Variants in DLG2 observed in about 807,000 individuals in gnomAD.
The protein encoded by DLG2 is discs large MAGUK scaffold protein 2.
Under a neutral mutation model 132.5 loss-of-function variants are expected in DLG2, and 45 were observed. The ratio of observed to expected loss-of-function variants is 0.34; its 90% CI spans 0.27 to 0.44. The LOEUF (loss-of-function observed/expected upper bound fraction) is 0.44, where lower values mean the gene tolerates loss of function less well. Ranked by LOEUF, DLG2 falls within the 20% of genes least tolerant of loss-of-function variation. The pLI is 1.00. For missense variants in DLG2, 1,045 were observed against 1,196.9 expected, an observed-to-expected ratio of 0.87 and a Z score of 1.87; for synonymous variants, 424 against 419.6, an observed-to-expected ratio of 1.01 and a Z score of -0.13.
intron 7 of DLG2, among the ~76,000 whole-genome samples, chr11:84,481,393 G>A (rs975718509): frequency 6.6e-6 from 1 of 152,106 alleles, no homozygotes; most frequent in African/African-American, 2.4e-5. Flanking sequence ...AGTTCTATCA[G>A]AGGCCATCTG....
At chr11:84,441,617 T>C (rs1019103510) in intron 7 of DLG2, among the ~76,000 whole-genome samples, 36 of 152,216 alleles carry the variant, frequency 2.4e-4, no homozygotes, top group African/African-American at 8.2e-4. Context: ...GTGACTCATC[T>C]ACATAACATA....
intron 19 of DLG2, among the ~76,000 whole-genome samples, chr11:83,589,977 C>T (rs1242238794): frequency 1.4e-3 from 192 of 140,614 alleles, no homozygotes; most frequent in Non-Finnish European, 2.0e-3. Flanking sequence ...ACAGGAGCAC[C>T]CAGATTCATA....
At chr11:85,325,102 A>C (rs1280664544) in intron 3 of DLG2, among the ~76,000 whole-genome samples, 2 of 135,192 alleles carry the variant, frequency 1.5e-5, no homozygotes, top group Non-Finnish European at 3.2e-5. Context: ...TATATCCCAC[A>C]CCTGGCTCAG....
intron 2 of DLG2, among the ~76,000 whole-genome samples, chr11:85,605,341 T>A (rs889962370): frequency 1.5e-4 from 23 of 152,158 alleles, no homozygotes; most frequent in African/African-American, 5.3e-4. Context: ...CATATTTTTA[T>A]GGAAAAAATA....
chr11:85,170,201 G>A (rs770789671), intron 4 of DLG2, among the ~76,000 whole-genome samples: 14 of 152,168 alleles, frequency 9.2e-5, no homozygotes, highest in Non-Finnish European at 1.8e-4. Flanking sequence ...TGGACAAAAA[G>A]GGGTATGATC....
chr11:84,234,419 T>C (rs1244314485), intron 8 of DLG2, among the ~76,000 whole-genome samples: 3 of 152,208 alleles, frequency 2.0e-5, no homozygotes, highest in African/African-American at 7.2e-5. Context: ...CAGAACCCCG[T>C]ATGGATTCAC....
At chr11:83,859,233 G>C (rs921497323) in intron 16 of DLG2, among the ~76,000 whole-genome samples, 1 of 152,218 alleles carries the variant, frequency 6.6e-6, no homozygotes, top group African/African-American at 2.4e-5. Context: ...CTTTGGAACT[G>C]GGTAACAAGT....
intron 7 of DLG2, among the ~76,000 whole-genome samples, chr11:84,328,245 A>G (rs961644009): frequency 6.6e-6 from 1 of 151,394 alleles, no homozygotes; most frequent in African/African-American, 2.4e-5. Context: ...CAAGGGGGGA[A>G]GTGAAGAGGA....
chr11:84,443,071 C>T (rs1240270434), intron 7 of DLG2, among the ~76,000 whole-genome samples: 1 of 151,968 alleles, frequency 6.6e-6, no homozygotes, highest in Non-Finnish European at 1.5e-5. Flanking sequence ...AATAATAAAC[C>T]CACTAACTCT....
chr11:84,146,901 C>T (rs987295956), intron 9 of DLG2, among the ~76,000 whole-genome samples: 2 of 152,018 alleles, frequency 1.3e-5, no homozygotes, highest in Admixed American at 1.3e-4. Context: ...CTCTCATCTC[C>T]AGTCTCTAGC....
chr11:83,672,241 AT>A lies in DLG2; in HGVS notation c.1826-38917del, dbSNP rs928042552. On this transcript the variant is annotated intron_variant, in intron 18 of 27. Coordinates refer to ENST00000376104, the MANE Select transcript of DLG2 (RefSeq NM_001142699.3). ...CGCTCTTGTTGCCCAGGCTACTGCA[AT>A]GGTGCCATCTCAGCTCACCGCAACC... Among the ~76,000 whole-genome samples the A allele has an allele frequency of 7.9e-5, 12 of 151,226 alleles. 2 individuals are homozygous for A. Among genetic ancestry groups the A allele is most frequent in the Admixed American group, 5.3e-4 (8 of 15,164 alleles).
chr11:85,513,531 T>G (rs2094118230), intron 3 of DLG2, among the ~76,000 whole-genome samples: 1 of 151,970 alleles, frequency 6.6e-6, no homozygotes, highest in Admixed American at 6.6e-5. Context: ...TCTATGAGTT[T>G]TGGGGTTCTT....
At chr11:83,730,025 G>A (rs978524390) in intron 18 of DLG2, among the ~76,000 whole-genome samples, 1 of 151,308 alleles carries the variant, frequency 6.6e-6, no homozygotes, top group Non-Finnish European at 1.5e-5. Context: ...AACAATTGGA[G>A]TTTACTAAGT....
chr11:84,045,322 G>C (rs1348179169), intron 11 of DLG2, among the ~76,000 whole-genome samples: 1 of 151,658 alleles, frequency 6.6e-6, no homozygotes, highest in Non-Finnish European at 1.5e-5. Flanking sequence ...GATGAGGAAA[G>C]GGTGGTGAAT....
At chr11:84,002,487 C>T (rs370594826) in intron 11 of DLG2, among the ~76,000 whole-genome samples, 11 of 152,282 alleles carry the variant, frequency 7.2e-5, no homozygotes, top group African/African-American at 2.4e-4. Flanking sequence ...CCTCTGAAAT[C>T]GAGGTGGAGG....
chr11:83,589,463 C>G (rs1308167036), intron 19 of DLG2, among the ~76,000 whole-genome samples: 3 of 151,840 alleles, frequency 2.0e-5, no homozygotes, highest in Admixed American at 6.6e-5. Flanking sequence ...CACCAGCAGG[C>G]CTGCCCTAAA....
chr11:84,379,342 G>T (rs961620694), intron 7 of DLG2, among the ~76,000 whole-genome samples: 1 of 152,072 alleles, frequency 6.6e-6, no homozygotes, highest in Non-Finnish European at 1.5e-5. Flanking sequence ...GAGAGCTGAT[G>T]TGAACAAAGA....
chr11:84,206,908 A>G (rs553838561), intron 8 of DLG2, among the ~76,000 whole-genome samples: 1 of 152,022 alleles, frequency 6.6e-6, no homozygotes, highest in Non-Finnish European at 1.5e-5. Context: ...AAATTAGGTT[A>G]ATAAGGGAAT....
chr11:83,882,527 C>G (rs1484768082), intron 15 of DLG2, among the ~76,000 whole-genome samples: 1 of 152,170 alleles, frequency 6.6e-6, no homozygotes, highest in East Asian at 1.9e-4. Flanking sequence ...TATTAAATGG[C>G]TTCACTCAAC....
Sources: gnomAD v4.1 joint callset for allele counts (sites outside exome capture counted in the v4.1 genomes callset) on GRCh38, gnomAD v4.1.1 for gene constraint, MANE v1.5 for transcripts, NCBI Gene and HGNC (gene_info 2026-07-23, HGNC 2026-07-21) for gene names.